RIN3: variants seen among roughly 807,000 people sequenced by gnomAD.
The protein encoded by RIN3 is RAB5 interacting protein 3.
RIN3 carries 54 observed loss-of-function variants against 76.3 expected under a neutral mutation model. The ratio of observed to expected loss-of-function variants is 0.71; its 90% confidence interval spans 0.57 to 0.89. The LOEUF is 0.89. Ranked by LOEUF, RIN3 falls within the 40% of genes least tolerant of loss-of-function variation. The pLI is 0.00. For synonymous variants in RIN3, 576 were observed against 564.0 expected (o/e 1.02, Z -0.30); for missense variants, 1,256 against 1,322.1 (o/e 0.95, Z 0.78).
intron 2 of RIN3, chr14:92,576,261 GGCA>G: frequency 7.8e-7 from 1 of 1,288,168 alleles, no homozygotes; most frequent in Non-Finnish European, 1.0e-6. Context: ...GTTTGTGAAA[GGCA>G]GCAGAATCCC....
intron 2 of RIN3, among the ~76,000 whole-genome samples, chr14:92,561,325 T>C (rs1030118552): frequency 5.3e-5 from 8 of 150,972 alleles, no homozygotes; most frequent in African/African-American, 2.0e-4. Flanking sequence ...GTTCCAAATA[T>C]CTGTATGACC....
At chr14:92,546,191 C>G (rs1566835977) in intron 1 of RIN3, among the ~76,000 whole-genome samples, 1 of 152,100 alleles carries the variant, frequency 6.6e-6, no homozygotes, top group Non-Finnish European at 1.5e-5. Flanking sequence ...TCCCAAAGGG[C>G]TGGGATTACA....
chr14:92,531,216 C>T (rs1896871362), intron 1 of RIN3, among the ~76,000 whole-genome samples: 1 of 152,178 alleles, frequency 6.6e-6, no homozygotes, highest in Non-Finnish European at 1.5e-5. Flanking sequence ...GATTCTGTGT[C>T]TGGCGGGGTC....
At chr14:92,563,936 C>A (rs150656616) in intron 2 of RIN3, among the ~76,000 whole-genome samples, 1 of 152,332 alleles carries the variant, frequency 6.6e-6, no homozygotes, top group Non-Finnish European at 1.5e-5. Context: ...CCCCTAAGCT[C>A]TGTCAGAGTC....
rs200622167 is a variant in RIN3 at position 92,676,565 on chromosome 14, A to C, written c.2426A>C (p.Tyr809Ser). 2.5e-6 allele frequency: 4 copies of C among 1,614,062 alleles called. No individual in the cohort carries two copies. The highest frequency in any genetic ancestry group is 3.4e-6 in the Non-Finnish European group (4 of 1,179,980). ...ACGGAGATGCTTCTCAATGTGGAGT[A>C]CATGATGGAGCTCATGGACCCCGCC... ...NLTEMLLNVE[Y>S]MMELMDPALQ... The change falls in exon 8 of 10, where the codon TAC becomes TCC. Residue 809 changes from tyrosine to serine, a missense_variant. By Grantham distance (144) the Tyr-to-Ser change is moderately radical. Transcript: ENST00000216487.
intron 1 of RIN3, among the ~76,000 whole-genome samples, chr14:92,516,959 C>T (rs1207055013): frequency 6.6e-6 from 1 of 152,244 alleles, no homozygotes; most frequent in Non-Finnish European, 1.5e-5. Context: ...GACCCTTCAC[C>T]ATCCCCTTAG....
In RIN3 at chr14:92,615,371, C is replaced by T. The variant is rs762005084; in HGVS notation, c.368-36C>T. The T allele has an allele frequency of 4.4e-6, 7 of 1,590,996 alleles. No homozygotes were observed. The African/African-American group carries it at 6.7e-5, about 15-fold the overall frequency. The stretch of plus-strand genomic sequence containing the variant: ...TTCCCCCATTTTCCTTGGCAGGATA[C>T]TCACCTCACCCAGGGCCCTTCTTGT... On this transcript the variant is annotated intron_variant, in intron 3 of 9. Transcript: ENST00000216487.
At chr14:92,673,079 G>A (rs1002847095) in intron 7 of RIN3, among the ~76,000 whole-genome samples, 1 of 151,438 alleles carries the variant, frequency 6.6e-6, no homozygotes, top group Non-Finnish European at 1.5e-5. Flanking sequence ...CTAGGACTTC[G>A]AGACCAGCCT....
chr14:92,684,939 G>T, intron 8 of RIN3, 48 bp from the exon 9 acceptor site: 1 of 1,576,768 alleles, frequency 6.3e-7, no homozygotes, highest in Non-Finnish European at 8.7e-7. Flanking sequence ...CTTGCCTCTG[G>T]TGGGCGGAGG....
At chr14:92,621,593 T>C (rs1886185897) in intron 4 of RIN3, among the ~76,000 whole-genome samples, 1 of 152,200 alleles carries the variant, frequency 6.6e-6, no homozygotes, top group South Asian at 2.1e-4. Context: ...CATTTTATGG[T>C]TGACAATTGA....
intron 1 of RIN3, among the ~76,000 whole-genome samples, chr14:92,534,153 A>G (rs1294805372): frequency 6.6e-6 from 1 of 151,542 alleles, no homozygotes; most frequent in African/African-American, 2.4e-5. Flanking sequence ...CCACAAAATG[A>G]TTATATCTGA....
intron 1 of RIN3, among the ~76,000 whole-genome samples, chr14:92,548,239 A>G (rs761489339): frequency 6.6e-6 from 1 of 151,970 alleles, no homozygotes; most frequent in Non-Finnish European, 1.5e-5. Flanking sequence ...TTTTTTTTTT[A>G]AACTTTCAAG....
chr14:92,516,492 G>A (rs1278137783), intron 1 of RIN3, among the ~76,000 whole-genome samples: 1 of 152,176 alleles, frequency 6.6e-6, no homozygotes, highest in Non-Finnish European at 1.5e-5. Context: ...TGGATTCAAG[G>A]AGCTAATGTT....
intron 5 of RIN3, among the ~76,000 whole-genome samples, chr14:92,647,459 G>T (rs1442372104): frequency 6.6e-6 from 1 of 152,190 alleles, no homozygotes; most frequent in Non-Finnish European, 1.5e-5. Context: ...GTTACAGTGT[G>T]TATGTGTTTA....
intron 2 of RIN3, among the ~76,000 whole-genome samples, chr14:92,561,101 T>C (rs1323811277): frequency 1.6e-5 from 2 of 128,180 alleles, no homozygotes; most frequent in Admixed American, 1.9e-4. Flanking sequence ...GCCATATATA[T>C]GCCATATTTA....
intron 3 of RIN3, among the ~76,000 whole-genome samples, chr14:92,604,970 G>C (rs9671709): frequency 0.8 from 112,886 of 141,614 alleles, 44,897 homozygotes; most frequent in East Asian, 0.95. Flanking sequence ...CCTCTGTCAC[G>C]CAGGCTGGAC....
intron 1 of RIN3, among the ~76,000 whole-genome samples, chr14:92,553,166 G>A (rs12884739): frequency 0.37 from 55,680 of 151,904 alleles, 10,399 homozygotes; most frequent in South Asian, 0.48. Flanking sequence ...TTGGCCAAGT[G>A]CTAAGCCATA....
At chr14:92,527,046 C>CTTTTT (rs1215618245) in intron 1 of RIN3, among the ~76,000 whole-genome samples, 3 of 109,956 alleles carry the variant, frequency 2.7e-5, no homozygotes, top group African/African-American at 4.0e-5. Context: ...TTCTCCCCAT[C>CTTTTT]TTTTTTTTTT....
At chr14:92,654,636 G>A (rs941242878) in intron 6 of RIN3, among the ~76,000 whole-genome samples, 1 of 152,226 alleles carries the variant, frequency 6.6e-6, no homozygotes, top group Non-Finnish European at 1.5e-5. Flanking sequence ...GGTTTGCCAG[G>A]CCACAGGATT....
Sources: gnomAD v4.1 joint callset for allele counts (sites outside exome capture counted in the v4.1 genomes callset) on GRCh38, gnomAD v4.1.1 for gene constraint, MANE v1.5 for transcripts, NCBI Gene and HGNC (gene_info 2026-07-23, HGNC 2026-07-21) for gene names.